LRRTM4: variants seen among roughly 807,000 people sequenced by gnomAD.
LRRTM4 encodes the protein leucine rich repeat transmembrane neuronal 4.
In LRRTM4, 25 loss-of-function variants were observed where a neutral mutation model predicts 47.6. The observed-to-expected ratio is 0.53, with a 90% confidence interval of 0.38 to 0.73. The LOEUF (loss-of-function observed/expected upper bound fraction) is 0.73. Among genes scored for constraint, LRRTM4 ranks in the 30% least tolerant of loss-of-function variants. LRRTM4 has a pLI of 0.00. For missense variants in LRRTM4, 638 were observed against 713.4 expected, an observed-to-expected ratio of 0.89 and a Z score of 1.20; for synonymous variants, 311 against 269.5, an observed-to-expected ratio of 1.15 and a Z score of -1.51.
At chr2:76,969,680 G>A (rs1676153904) in intron 3 of LRRTM4, among the ~76,000 whole-genome samples, 1 of 151,832 alleles carries the variant, frequency 6.6e-6, no homozygotes, top group African/African-American at 2.4e-5. Flanking sequence ...TTACAATGAT[G>A]GTGATTATGA....
At chr2:77,303,591 C>G (rs370493267) in intron 3 of LRRTM4, among the ~76,000 whole-genome samples, 50 of 152,242 alleles carry the variant, frequency 3.3e-4, no homozygotes, top group African/African-American at 1.1e-3. Context: ...CACTTTTTAA[C>G]TCTGATCACA....
chr2:77,406,020 G>T (rs290017), intron 3 of LRRTM4, among the ~76,000 whole-genome samples: 49,934 of 151,838 alleles, frequency 0.33, 9,237 homozygotes, highest in East Asian at 0.51. Context: ...GGAGACATTA[G>T]ATAAAGAAGT....
At chr2:76,851,755 GTT>G (rs34184474) in intron 3 of LRRTM4, among the ~76,000 whole-genome samples, 18,402 of 117,512 alleles carry the variant, frequency 0.16, 1,045 homozygotes, top group African/African-American at 0.21. Context: ...ACTTTTATTC[GTT>G]TTTTTTTTTT....
At chr2:76,988,588 A>G (rs1478643880) in intron 3 of LRRTM4, among the ~76,000 whole-genome samples, 1 of 151,908 alleles carries the variant, frequency 6.6e-6, no homozygotes, top group Non-Finnish European at 1.5e-5. Context: ...AAAAGAAACA[A>G]TAAAACCTTT....
rs201142125 is a variant in LRRTM4 at position 77,152,337 on chromosome 2, C to CT, written c.1551+365980dup. On this transcript the variant is annotated intron_variant, in intron 3 of 3. Transcript: ENST00000409884. ...AACACATATCTTCACTTTTTTGTAT[C>CT]TTTTTTTTTCAGATGGAGTCTCGCT... 5.1e-4 allele frequency among the ~76,000 whole-genome samples: 77 copies of CT among 151,274 alleles called. 2 individuals are homozygous for CT. The highest frequency in any genetic ancestry group is 1.5e-3 in the South Asian group (7 of 4,738).
At chr2:76,752,519 G>A (rs1459881993) in intron 3 of LRRTM4, among the ~76,000 whole-genome samples, 1 of 152,154 alleles carries the variant, frequency 6.6e-6, no homozygotes, top group Non-Finnish European at 1.5e-5. Flanking sequence ...CTCTTGGAGA[G>A]TAAAAACCAT....
chr2:77,267,736 T>A (rs1486150561), intron 3 of LRRTM4, among the ~76,000 whole-genome samples: 6 of 142,094 alleles, frequency 4.2e-5, no homozygotes, highest in African/African-American at 1.3e-4. Context: ...AGTTCAAAAA[T>A]ATCCTAGTTT....
At chr2:76,781,324 G>T (rs577365650) in intron 3 of LRRTM4, among the ~76,000 whole-genome samples, 2 of 149,878 alleles carry the variant, frequency 1.3e-5, no homozygotes, top group East Asian at 4.1e-4. Flanking sequence ...AATCAAGCCT[G>T]TTCAATGGCG....
At chr2:77,341,820 G>C (rs1434869674) in intron 3 of LRRTM4, among the ~76,000 whole-genome samples, 1 of 151,948 alleles carries the variant, frequency 6.6e-6, no homozygotes, top group Non-Finnish European at 1.5e-5. Context: ...GCATTTATGG[G>C]AAGAAAGAAA....
At chr2:76,814,848 A>C (rs1272225271) in intron 3 of LRRTM4, among the ~76,000 whole-genome samples, 3 of 151,860 alleles carry the variant, frequency 2.0e-5, no homozygotes, top group Non-Finnish European at 4.4e-5. Context: ...AGCATACCCC[A>C]TACATATGTA....
chr2:77,522,046 C>A, intron 1 of LRRTM4, 63 bp downstream of exon 1: 1 of 712,134 alleles, frequency 1.4e-6, no homozygotes, highest in Non-Finnish European at 2.6e-6. Context: ...GAGCTACAGC[C>A]CATCTCGGAG....
intron 3 of LRRTM4, among the ~76,000 whole-genome samples, chr2:77,046,403 C>T (rs760283191): frequency 9.2e-5 from 14 of 151,956 alleles, no homozygotes; most frequent in African/African-American, 1.7e-4. Context: ...AGTTACACAT[C>T]TTTGGGAACT....
At chr2:76,888,063 G>GTA (rs1281726282) in intron 3 of LRRTM4, among the ~76,000 whole-genome samples, 1 of 149,564 alleles carries the variant, frequency 6.7e-6, no homozygotes, top group African/African-American at 2.4e-5. Context: ...ATGTGTGTTT[G>GTA]TATATATATA....
chr2:77,354,668 A>G (rs1671905870), intron 3 of LRRTM4, among the ~76,000 whole-genome samples: 2 of 152,160 alleles, frequency 1.3e-5, no homozygotes, highest in Admixed American at 1.3e-4. Context: ...TTATGCAGGT[A>G]TGATGGGGGT....
chr2:76,919,336 G>T (rs1674362006), intron 3 of LRRTM4, among the ~76,000 whole-genome samples: 1 of 152,090 alleles, frequency 6.6e-6, no homozygotes, highest in African/African-American at 2.4e-5. Flanking sequence ...GTACCTCATG[G>T]CCCAAGGCCT....
chr2:76,811,072 T>TC (rs1268838956), intron 3 of LRRTM4, among the ~76,000 whole-genome samples: 2 of 152,080 alleles, frequency 1.3e-5, no homozygotes, highest in Non-Finnish European at 2.9e-5. Flanking sequence ...TCTAACCAAG[T>TC]CCCCTCACCC....
At chr2:77,480,863 G>C (rs866884441) in intron 3 of LRRTM4, among the ~76,000 whole-genome samples, 3 of 129,678 alleles carry the variant, frequency 2.3e-5, no homozygotes, top group South Asian at 2.5e-4. Context: ...GAGAGAGAGA[G>C]AGAAATAGCT....
At position 77,362,111 on chromosome 2, in the gene LRRTM4, A is replaced by G. The variant is rs7588449; in HGVS notation, c.1551+156207T>C. On this transcript the variant is annotated intron_variant, in intron 3 of 3. Transcript: ENST00000409884. ...TCAAAAAAGGAAAAGGAAAGAAAGA[A>G]AGAGAGAAAGAAAGAAAGAAAGAAA... is the stretch of plus-strand genomic sequence containing the variant. Among the ~76,000 whole-genome samples the G allele has an allele frequency of 1.4e-3, 192 of 134,746 alleles. 1 individual carries two copies. The highest frequency in any genetic ancestry group is 5.2e-3 in the African/African-American group (188 of 36,430). The allele number at this position is 134,746 out of a possible 152,430, so 88.4% of individuals were successfully genotyped here.
intron 3 of LRRTM4, among the ~76,000 whole-genome samples, chr2:77,285,340 T>TTATACATATATATATATATATA (rs1676621856): frequency 1.2e-5 from 1 of 82,590 alleles, no homozygotes; most frequent in African/African-American, 4.2e-5. Flanking sequence ...AGCATTAAAT[T>TTATACATATATATATATATATA]TATATATATA....
Sources: gnomAD v4.1 joint callset for allele counts (sites outside exome capture counted in the v4.1 genomes callset) on GRCh38, gnomAD v4.1.1 for gene constraint, MANE v1.5 for transcripts, NCBI Gene and HGNC (gene_info 2026-07-23, HGNC 2026-07-21) for gene names.